The following NXPE2 variants were observed in gnomAD, a reference collection of about 807,000 sequenced individuals.
The protein encoded by NXPE2 is neurexophilin and PC-esterase domain family member 2.
NXPE2 carries 34 observed loss-of-function variants against 34.4 expected under a neutral mutation model. The ratio of observed to expected loss-of-function variants is 0.99; its 90% CI spans 0.75 to 1.31. The LOEUF (loss-of-function observed/expected upper bound fraction) is 1.31, where lower values mean the gene tolerates loss of function less well. NXPE2 is among the 40% of genes most tolerant of loss of function. NXPE2 has a pLI of 0.00. For synonymous variants in NXPE2, 235 were observed against 231.3 expected (o/e 1.02, Z -0.15); for missense variants, 649 against 672.5 (o/e 0.97, Z 0.39).
chr11:114,608,371 T>C, the NXPE2 span, among the ~76,000 whole-genome samples: 1 of 151,922 alleles, frequency 6.6e-6, no homozygotes, highest in South Asian at 2.1e-4. Context: ...TCTTACCATG[T>C]GGATAATAAG....
At chr11:114,799,074 TA>T in the NXPE2 span, among the ~76,000 whole-genome samples, 2 of 152,358 alleles carry the variant, frequency 1.3e-5, no homozygotes, top group African/African-American at 4.8e-5. Flanking sequence ...GCCTTGCAAT[TA>T]AATAAATGGG....
At chr11:114,584,439 G>A in the NXPE2 span, 2 of 221,136 alleles carry the variant, frequency 9.0e-6, no homozygotes, top group East Asian at 2.9e-4. Flanking sequence ...GGGTGGCGAT[G>A]AGAATGAAGA....
At chr11:114,634,604 A>G in the NXPE2 span, among the ~76,000 whole-genome samples, 160 of 152,060 alleles carry the variant, frequency 1.1e-3, 2 homozygotes, top group Admixed American at 8.5e-3. Flanking sequence ...TAGGTCTAAC[A>G]TTTAAGTCTT....
chr11:114,624,935 A>G, the NXPE2 span, among the ~76,000 whole-genome samples: 1 of 152,138 alleles, frequency 6.6e-6, no homozygotes, highest in Non-Finnish European at 1.5e-5. Context: ...GGTGGATAAT[A>G]CGTGTTGCCT....
the NXPE2 span, among the ~76,000 whole-genome samples, chr11:114,742,802 A>G: frequency 0.31 from 46,654 of 151,838 alleles, 8,372 homozygotes; most frequent in Non-Finnish European, 0.41. Flanking sequence ...TCTTGAATGT[A>G]ACCATCCCAG....
At chr11:114,725,251 G>GCTTGTTAA in the NXPE2 span, among the ~76,000 whole-genome samples, 1 of 152,056 alleles carries the variant, frequency 6.6e-6, no homozygotes, top group Admixed American at 6.6e-5. Context: ...CACAAGAAAG[G>GCTTGTTAA]CTTGTTAACA....
the NXPE2 span, chr11:114,550,964 T>C: frequency 1.8e-6 from 1 of 571,196 alleles, no homozygotes; most frequent in Non-Finnish European, 3.1e-6. Context: ...CTCTAAGGAG[T>C]TAGGTAGAGA....
At chr11:114,593,920 C>T in the NXPE2 span, among the ~76,000 whole-genome samples, 2 of 152,036 alleles carry the variant, frequency 1.3e-5, no homozygotes, top group African/African-American at 2.4e-5. Context: ...ATAAGCTAGG[C>T]ACAGAAGACA....
At chr11:114,629,111 C>T in the NXPE2 span, among the ~76,000 whole-genome samples, 4 of 152,068 alleles carry the variant, frequency 2.6e-5, no homozygotes, top group African/African-American at 9.7e-5. Flanking sequence ...GAACTGGTAC[C>T]ATTCCTTCTG....
chr11:114,542,008 C>T, the NXPE2 span, among the ~76,000 whole-genome samples: 1 of 152,114 alleles, frequency 6.6e-6, no homozygotes, highest in African/African-American at 2.4e-5. Flanking sequence ...AATAAAAATT[C>T]CCACTATGGC....
At chr11:114,611,812 C>T in the NXPE2 span, among the ~76,000 whole-genome samples, 7 of 151,916 alleles carry the variant, frequency 4.6e-5, no homozygotes, top group African/African-American at 1.7e-4. Context: ...CTTGGGAAAC[C>T]ACTGTTACCC....
the NXPE2 span, among the ~76,000 whole-genome samples, chr11:114,809,183 G>C: frequency 6.6e-6 from 1 of 151,914 alleles, no homozygotes; most frequent in Admixed American, 6.6e-5. Context: ...AGGTATTGAT[G>C]GGACGTATCT....
the NXPE2 span, among the ~76,000 whole-genome samples, chr11:114,612,208 A>G: frequency 6.6e-6 from 1 of 151,916 alleles, no homozygotes; most frequent in Admixed American, 6.6e-5. Context: ...CACGGTGGAG[A>G]ATAAGTGTTG....
chr11:114,575,653 A>G, the NXPE2 span, among the ~76,000 whole-genome samples: 2 of 152,156 alleles, frequency 1.3e-5, no homozygotes, highest in Non-Finnish European at 2.9e-5. Flanking sequence ...AGGATGTCAA[A>G]GACCTCTACA....
At chr11:114,738,845 G>T in the NXPE2 span, among the ~76,000 whole-genome samples, 1 of 151,882 alleles carries the variant, frequency 6.6e-6, no homozygotes, top group African/African-American at 2.4e-5. Context: ...TCATATTTGG[G>T]ATAGTCCCTA....
the NXPE2 span, among the ~76,000 whole-genome samples, chr11:114,712,460 T>G: frequency 1.1e-4 from 16 of 152,150 alleles, no homozygotes; most frequent in African/African-American, 3.9e-4. Context: ...GCAAAGAAGT[T>G]GAATAGATAT....
At chr11:114,813,665 C>T in the NXPE2 span, among the ~76,000 whole-genome samples, 2 of 152,186 alleles carry the variant, frequency 1.3e-5, no homozygotes, top group African/African-American at 2.4e-5. Context: ...CTGTCAAATG[C>T]TACAAATGTT....
upstream of NXPE2, chr11:114,678,434 C>T: frequency 1.6e-6 from 1 of 625,376 alleles, no homozygotes; most frequent in Non-Finnish European, 2.8e-6. Context: ...ATGATTCCAG[C>T]TGGCACGCTG....
At chr11:114,719,410 C>A in the NXPE2 span, among the ~76,000 whole-genome samples, 3 of 152,196 alleles carry the variant, frequency 2.0e-5, no homozygotes, top group Non-Finnish European at 2.9e-5. Flanking sequence ...GAGGAGGCAG[C>A]AGCCTAATGT....
Sources: allele counts gnomAD v4.1 joint callset (sites outside exome capture counted in the v4.1 genomes callset), GRCh38; gene constraint gnomAD v4.1.1; transcripts MANE v1.5; gene names NCBI Gene and HGNC (gene_info 2026-07-23, HGNC 2026-07-21).